The following PC variants were observed in gnomAD, a reference collection of about 807,000 sequenced individuals.
PC encodes pyruvate carboxylase, mitochondrial.
A neutral mutation model predicts 107.8 loss-of-function variants in PC; 46 were observed. That is an observed-to-expected ratio of 0.43 (90% CI 0.34 to 0.55). PC has a LOEUF of 0.55. Ranked by LOEUF, PC falls within the 20% of genes least tolerant of loss-of-function variation. The pLI, the probability that PC is intolerant of heterozygous loss-of-function variation, is 0.04. For missense variants in PC, 1,241 were observed against 1,643.1 expected (o/e 0.76, Z 4.23); for synonymous variants, 662 against 684.7 (o/e 0.97, Z 0.52).
chr11:66,888,157 C>T (rs754635680), intron 3 of PC, among the ~76,000 whole-genome samples: 4 of 152,224 alleles, frequency 2.6e-5, no homozygotes, highest in Non-Finnish European at 5.9e-5. Context: ...AGGATTAGGA[C>T]CTGGGTACCT....
intron 3 of PC, among the ~76,000 whole-genome samples, chr11:66,901,014 A>C (rs1947938227): frequency 6.6e-6 from 1 of 152,094 alleles, no homozygotes; most frequent in Non-Finnish European, 1.5e-5. Context: ...CAAATTTTGA[A>C]CTAGTAACTA....
intron 12 of PC, among the ~76,000 whole-genome samples, chr11:66,855,040 C>T (rs970914649): frequency 6.6e-6 from 1 of 152,264 alleles, no homozygotes; most frequent in African/African-American, 2.4e-5. Context: ...TCCAGCAGGC[C>T]GCTGAGGAAC....
At chr11:66,897,551 G>A (rs372965223) in intron 3 of PC, among the ~76,000 whole-genome samples, 12 of 152,162 alleles carry the variant, frequency 7.9e-5, no homozygotes, top group South Asian at 2.1e-4. Flanking sequence ...CAGCCTGGGC[G>A]ACAGAGAGAG....
In PC at chr11:66,857,223, G is replaced by T. The variant is rs1945912826; in HGVS notation, c.1369-3840C>A. 1 of 149,654 alleles carries T rather than the reference G, an allele frequency of 6.7e-6. No individual in the cohort carries two copies. Among genetic ancestry groups the T allele is most frequent in the Non-Finnish European group, 1.5e-5 (1 of 67,130 alleles). The allele number at this position is 149,654 out of a possible 1,614,324, so 9.3% of individuals were successfully genotyped here. ...CCCCGGGCCTCGTCCCCGCGGGAGA[G>T]CGGCCAGGAGTCGGCGGGGGCCGGC... On this transcript the variant is annotated intron_variant, in intron 12 of 22. Transcript: ENST00000393960. The surrounding 1 kb of genome is among the most constrained non-coding windows in gnomAD (Gnocchi z 7.1).
chr11:66,948,949 G>C (rs1949372069), intron 3 of PC, among the ~76,000 whole-genome samples: 1 of 151,088 alleles, frequency 6.6e-6, no homozygotes. Flanking sequence ...GGTATTAGAG[G>C]GTTTTTTTAA....
At chr11:66,880,784 G>A (rs1377634075) in intron 3 of PC, among the ~76,000 whole-genome samples, 1 of 151,770 alleles carries the variant, frequency 6.6e-6, no homozygotes, top group Non-Finnish European at 1.5e-5. Flanking sequence ...GTCCCATGCT[G>A]CAGTCCCATG....
Position 66,871,990 on chromosome 11 carries a change from T to A in PC, c.136+34A>T, listed in dbSNP as rs1275749002. On this transcript the variant is annotated intron_variant, in intron 4 of 22. Transcript: ENST00000393960. This position sits in a 1 kb window ranked among gnomAD's most constrained non-coding sequence, Gnocchi z 7.4. ...AAGAATGCCAAGGCTGGGGCGGCCA[T>A]GAGGCTCCTCTCACCGGCCCCACTG... 1 of 1,557,428 alleles carries A rather than the reference T, an allele frequency of 6.4e-7. No homozygotes were observed. Among genetic ancestry groups the A allele is most frequent in the Non-Finnish European group, 8.7e-7 (1 of 1,150,592 alleles).
At chr11:66,935,522 G>C (rs1948974929) in intron 3 of PC, among the ~76,000 whole-genome samples, 1 of 152,198 alleles carries the variant, frequency 6.6e-6, no homozygotes, top group Non-Finnish European at 1.5e-5. Context: ...AAACGTCCAT[G>C]AAGTGATAAC....
At chr11:66,949,038 GC>G (rs1565306645) in intron 3 of PC, among the ~76,000 whole-genome samples, 1 of 151,322 alleles carries the variant, frequency 6.6e-6, no homozygotes, top group East Asian at 2.0e-4. Context: ...GTGTCGCCAG[GC>G]TGGAGTGCAG....
At chr11:66,925,266 T>C (rs915612254) in intron 3 of PC, among the ~76,000 whole-genome samples, 1 of 152,148 alleles carries the variant, frequency 6.6e-6, no homozygotes, top group African/African-American at 2.4e-5. Flanking sequence ...GGCGGGAATT[T>C]CCTCGTCCTA....
intron 3 of PC, among the ~76,000 whole-genome samples, chr11:66,881,520 C>G (rs956241989): frequency 2.0e-5 from 3 of 152,258 alleles, no homozygotes; most frequent in African/African-American, 7.2e-5. Flanking sequence ...GACCTGCAGG[C>G]TGAGGCAGGG....
intron 3 of PC, among the ~76,000 whole-genome samples, chr11:66,938,389 C>T (rs1949049203): frequency 6.6e-6 from 1 of 152,102 alleles, no homozygotes; most frequent in African/African-American, 2.4e-5. Flanking sequence ...CACTCCCCAG[C>T]AATCTATATC....
At chr11:66,924,618 TTTC>T in intron 3 of PC, among the ~76,000 whole-genome samples, 1 of 152,034 alleles carries the variant, frequency 6.6e-6, no homozygotes, top group African/African-American at 2.4e-5. Flanking sequence ...GCCTGGCTAA[TTTC>T]TTATAGATAC....
intron 3 of PC, among the ~76,000 whole-genome samples, chr11:66,946,280 T>C (rs1377446007): frequency 6.6e-6 from 1 of 152,102 alleles, no homozygotes; most frequent in Admixed American, 6.6e-5. Flanking sequence ...GTGGATCGCA[T>C]GATAGCAGTT....
At chr11:66,868,478 A>C (rs1946591148) in intron 10 of PC, among the ~76,000 whole-genome samples, 2 of 152,228 alleles carry the variant, frequency 1.3e-5, no homozygotes, top group Admixed American at 6.5e-5. Context: ...GGAGCAAACC[A>C]AAGACAGCCG....
chr11:66,851,169 G>C lies in PC; in HGVS notation c.2094C>G (p.Gly698=). 6.2e-7 allele frequency: 1 copy of C among 1,611,938 alleles called. No individual in the cohort carries two copies. The highest frequency in any genetic ancestry group is 1.3e-5 in the African/African-American group (1 of 75,044). ...TGTATGAGATGGCAGCCTCCACCAC[G>C]CCTCCGGCACTTCCTGCCGCCTCCA... ...LGMEAAGSAG[G]VVEAAISYTG... is the part of the protein sequence containing the mutation. The change falls in exon 17 of 23, where the codon GGC becomes GGG. Residue 698 remains glycine (G), a synonymous_variant. Coordinates refer to ENST00000393960, the MANE Select transcript of PC (RefSeq NM_001040716.2).
intron 3 of PC, among the ~76,000 whole-genome samples, chr11:66,917,747 C>G (rs1193888900): frequency 6.6e-6 from 1 of 152,210 alleles, no homozygotes; most frequent in Non-Finnish European, 1.5e-5. Flanking sequence ...TGGAAAACTC[C>G]TGGCATTCTG....
chr11:66,922,553 T>TA (rs1198835228), intron 3 of PC, among the ~76,000 whole-genome samples: 11,470 of 84,084 alleles, frequency 0.14, 1,162 homozygotes, highest in Admixed American at 0.23. Flanking sequence ...GACTTTGTCT[T>TA]AAAAAAAAAA....
intron 10 of PC, among the ~76,000 whole-genome samples, chr11:66,868,140 C>A (rs1946573164): frequency 6.6e-6 from 1 of 152,252 alleles, no homozygotes; most frequent in South Asian, 2.1e-4. Context: ...ACTTATCCTT[C>A]AATCAGATAA....
Sources: allele counts gnomAD v4.1 joint callset (sites outside exome capture counted in the v4.1 genomes callset), GRCh38; gene constraint gnomAD v4.1.1; non-coding constraint Gnocchi (gnomAD v3.1); transcripts MANE v1.5; gene names NCBI Gene and HGNC (gene_info 2026-07-23, HGNC 2026-07-21).